Variants in IL1RAPL1 observed in about 807,000 individuals in gnomAD.
The protein encoded by IL1RAPL1 is interleukin-1 receptor accessory protein-like 1.
In IL1RAPL1, 3 loss-of-function variants were observed where a neutral mutation model predicts 48.4. The ratio of observed to expected loss-of-function variants is 0.06; its 90% CI spans 0.03 to 0.16. IL1RAPL1 has a LOEUF of 0.16. Ranked by LOEUF, IL1RAPL1 falls within the 10% of genes least tolerant of loss-of-function variation. The pLI is 1.00. For missense variants in IL1RAPL1, 349 were observed against 530.6 expected (o/e 0.66, Z 3.36); for synonymous variants, 185 against 187.7 (o/e 0.99, Z 0.12).
At chrX:28,815,835 T>TTATGTATATATA (rs1936857859) in intron 2 of IL1RAPL1, among the ~76,000 whole-genome samples, 2 of 27,682 alleles carry the variant, frequency 7.2e-5, no homozygotes, top group South Asian at 5.1e-3. Flanking sequence ...GTATGTGTGT[T>TTATGTATATATA]TATGTATATA....
intron 1 of IL1RAPL1, among the ~76,000 whole-genome samples, chrX:28,604,674 C>A (rs1292375990): frequency 4.0e-5 from 4 of 100,381 alleles, no homozygotes; most frequent in African/African-American, 1.5e-4. Context: ...TTGCAGTGAG[C>A]CGAGATTGCA....
At chrX:28,680,072 C>A (rs1224629024) in intron 1 of IL1RAPL1, among the ~76,000 whole-genome samples, 2 of 111,583 alleles carry the variant, frequency 1.8e-5, no homozygotes, top group Non-Finnish European at 3.8e-5. Context: ...TTTAACAATA[C>A]TAATTTTTCT....
chrX:29,758,595 C>G (rs2147144240), intron 6 of IL1RAPL1, among the ~76,000 whole-genome samples: 1 of 109,134 alleles, frequency 9.2e-6, no homozygotes, highest in East Asian at 2.9e-4. Flanking sequence ...ACTTGGGAGG[C>G]TGAGGCAGGA....
chrX:28,962,100 A>T (rs1344428870), intron 2 of IL1RAPL1, among the ~76,000 whole-genome samples: 1 of 111,909 alleles, frequency 8.9e-6, no homozygotes, highest in Non-Finnish European at 1.9e-5. Context: ...GCATAAGAAG[A>T]TATATATTTG....
At chrX:28,840,069 C>T (rs1261956483) in intron 2 of IL1RAPL1, among the ~76,000 whole-genome samples, 2 of 110,547 alleles carry the variant, frequency 1.8e-5, no homozygotes, top group Non-Finnish European at 3.8e-5. Context: ...ATTGGAGCCT[C>T]GTTATTTGTC....
rs141324717 is a variant in IL1RAPL1, at chrX:29,942,042, A to T, written c.1201+248A>T. On this transcript the variant is annotated intron_variant, in intron 9 of 10. Transcript: ENST00000378993. ...TTTTAGAATTGTATTCCAAACACTTACAAATTACAAACACTGATTGCAATG... is the reference window on the plus strand; with the variant it reads ...TTTTAGAATTGTATTCCAAACACTTTCAAATTACAAACACTGATTGCAATG... 0.022 allele frequency among the ~76,000 whole-genome samples: 2,471 copies of T among 112,193 alleles called. 34 individuals carry two copies. Among genetic ancestry groups the T allele is most frequent in the Non-Finnish European group, 0.033 (1,775 of 53,248 alleles).
chrX:29,208,374 G>C (rs753909421), intron 2 of IL1RAPL1, among the ~76,000 whole-genome samples: 351 of 111,739 alleles, frequency 3.1e-3, no homozygotes, highest in African/African-American at 0.011. Context: ...TAAAGAGCCA[G>C]AATCCATTGA....
intron 5 of IL1RAPL1, among the ~76,000 whole-genome samples, chrX:29,527,384 C>G (rs1443623971): frequency 2.7e-5 from 2 of 73,615 alleles, no homozygotes; most frequent in Admixed American, 2.2e-4. Context: ...TCTCACCAGG[C>G]TAGAGTACAG....
intron 3 of IL1RAPL1, among the ~76,000 whole-genome samples, chrX:29,387,193 T>G (rs1253210042): frequency 8.9e-6 from 1 of 111,844 alleles, no homozygotes; most frequent in Non-Finnish European, 1.9e-5. Context: ...GAACATGTAA[T>G]TTGAGGGAAG....
At chrX:29,420,969 C>G (rs1470543406) in intron 5 of IL1RAPL1, among the ~76,000 whole-genome samples, 4 of 112,004 alleles carry the variant, frequency 3.6e-5, no homozygotes, top group Non-Finnish European at 3.8e-5. Context: ...CTTCTTAAGT[C>G]AGCACAAAAT....
intron 1 of IL1RAPL1, among the ~76,000 whole-genome samples, chrX:28,777,398 T>C (rs1464481087): frequency 8.9e-6 from 1 of 112,051 alleles, no homozygotes; most frequent in Non-Finnish European, 1.9e-5. Flanking sequence ...AACATGTTCA[T>C]AAGTTCTGGA....
intron 2 of IL1RAPL1, among the ~76,000 whole-genome samples, chrX:29,240,110 G>T (rs1442098472): frequency 1.0e-5 from 1 of 99,629 alleles, no homozygotes; most frequent in Non-Finnish European, 2.0e-5. Flanking sequence ...ATATTCACAG[G>T]TTCTGGGGAT....
At chrX:29,918,123 CAA>C (rs781348669) in intron 7 of IL1RAPL1, among the ~76,000 whole-genome samples, 4 of 7,816 alleles carry the variant, frequency 5.1e-4, no homozygotes, top group East Asian at 3.1e-3. Context: ...ACTCTGTCTC[CAA>C]AAAAAAAAAA....
intron 1 of IL1RAPL1, among the ~76,000 whole-genome samples, chrX:28,612,216 A>G (rs1447537627): frequency 8.9e-6 from 1 of 111,777 alleles, no homozygotes; most frequent in Non-Finnish European, 1.9e-5. Flanking sequence ...AGAGGTCTCA[A>G]ATACACCCTA....
chrX:29,894,902 C>G (rs1932347933), intron 6 of IL1RAPL1, among the ~76,000 whole-genome samples: 1 of 110,424 alleles, frequency 9.1e-6, no homozygotes, highest in South Asian at 3.9e-4. Flanking sequence ...GATCTCAGCT[C>G]ACTGCAACCT....
At chrX:29,308,393 G>A (rs868309311) in intron 3 of IL1RAPL1, among the ~76,000 whole-genome samples, 2 of 111,503 alleles carry the variant, frequency 1.8e-5, no homozygotes, top group Non-Finnish European at 3.8e-5. Context: ...AACCAATCAC[G>A]GTGGCCAGTG....
intron 2 of IL1RAPL1, among the ~76,000 whole-genome samples, chrX:28,891,144 G>T (rs2147319673): frequency 9.0e-6 from 1 of 111,710 alleles, no homozygotes; most frequent in African/African-American, 3.2e-5. Flanking sequence ...ATGCTATCAG[G>T]AACTCAGGCA....
chrX:29,582,357 T>TTA lies in IL1RAPL1; in HGVS notation c.704-86072_704-86071insAT, dbSNP rs1556041439. On this transcript the variant is annotated intron_variant, in intron 5 of 10. Coordinates refer to ENST00000378993, the MANE Select transcript of IL1RAPL1 (RefSeq NM_014271.4). ...AATGATAAAGATAGCATCTTTTTTT[T>TTA]TTTATTTTTTTATTTTTTTATTTTT... is the stretch of plus-strand genomic sequence containing the variant. Among the ~76,000 whole-genome samples, 157 of 106,150 alleles carry TTA rather than the reference T, an allele frequency of 1.5e-3. 5 individuals carry two copies. The highest frequency in any genetic ancestry group is 5.3e-3 in the African/African-American group (151 of 28,382). 92.2% of individuals were successfully genotyped at this position (106,150 alleles called of 115,157 possible). A position where few individuals can be genotyped will look rare whatever the true frequency, so the allele number is the denominator to read the frequency against.
intron 5 of IL1RAPL1, among the ~76,000 whole-genome samples, chrX:29,625,487 A>C (rs1924592186): frequency 8.9e-6 from 1 of 111,931 alleles, no homozygotes; most frequent in Non-Finnish European, 1.9e-5. Context: ...CCTCCTTATT[A>C]TTGAACTTTG....
Sources: gnomAD v4.1 joint callset for allele counts (sites outside exome capture counted in the v4.1 genomes callset) on GRCh38, gnomAD v4.1.1 for gene constraint, MANE v1.5 for transcripts, NCBI Gene and HGNC (gene_info 2026-07-23, HGNC 2026-07-21) for gene names.